Variants in MAPRE1 observed in about 807,000 individuals in gnomAD.
MAPRE1 encodes the protein microtubule-associated protein RP/EB family member 1.
A neutral mutation model predicts 32.1 loss-of-function variants in MAPRE1; 5 were observed. That is an observed-to-expected ratio of 0.16 (90% CI 0.08 to 0.33). The LOEUF is 0.33. Ranked by LOEUF, MAPRE1 falls within the 10% of genes least tolerant of loss-of-function variation. The pLI is 1.00. For missense variants in MAPRE1, 209 were observed against 327.2 expected, an observed-to-expected ratio of 0.64 and a Z score of 2.79; for synonymous variants, 122 against 118.9, an observed-to-expected ratio of 1.03 and a Z score of -0.17.
intron 5 of MAPRE1, among the ~76,000 whole-genome samples, chr20:32,841,443 CT>C (rs1329821416): frequency 6.6e-6 from 1 of 151,524 alleles, no homozygotes; most frequent in Admixed American, 6.6e-5. Context: ...TGGCTGCTCT[CT>C]GCTCAGCTCT....
At chr20:32,821,502 CA>C (rs1203285982) in intron 1 of MAPRE1, among the ~76,000 whole-genome samples, 2 of 152,222 alleles carry the variant, frequency 1.3e-5, no homozygotes, top group Non-Finnish European at 2.9e-5. Context: ...GGTGGTGCGT[CA>C]AAGTGCCTAG....
At chr20:32,845,517 A>T (rs1000019509) in intron 5 of MAPRE1, among the ~76,000 whole-genome samples, 2 of 152,100 alleles carry the variant, frequency 1.3e-5, no homozygotes, top group African/African-American at 4.8e-5. Context: ...TCATCTCTGG[A>T]TGCTTTTTGA....
chr20:32,838,522 G>C (rs1786648546), intron 4 of MAPRE1, among the ~76,000 whole-genome samples: 1 of 152,198 alleles, frequency 6.6e-6, no homozygotes, highest in Non-Finnish European at 1.5e-5. Flanking sequence ...TACTCTGGGA[G>C]CAGAATTGCT....
chr20:32,842,738 C>T (rs1439842114), intron 5 of MAPRE1, among the ~76,000 whole-genome samples: 1 of 152,192 alleles, frequency 6.6e-6, no homozygotes, highest in East Asian at 1.9e-4. Flanking sequence ...TAGACCTAGA[C>T]AGGTTTGATA....
At chr20:32,835,846 T>TCTA (rs768825122) in intron 3 of MAPRE1, among the ~76,000 whole-genome samples, 58 of 152,134 alleles carry the variant, frequency 3.8e-4, no homozygotes, top group Non-Finnish European at 6.2e-4. Flanking sequence ...CCTCAAGTGA[T>TCTA]CTACCTGCCT....
chr20:32,829,888 AG>A (rs1213517770), intron 2 of MAPRE1, among the ~76,000 whole-genome samples: 1 of 152,162 alleles, frequency 6.6e-6, no homozygotes, highest in Admixed American at 6.5e-5. Flanking sequence ...TAGTTTGGAG[AG>A]CTAGTCATCA....
At position 32,837,671 on chromosome 20, in the gene MAPRE1, C is replaced by T. The variant is rs150020966; in HGVS notation, c.475+830C>T. The stretch of plus-strand genomic sequence containing the variant: ...TAAATAGCTTAATGGAGAGACAATT[C>T]GCATGCCATATAATTATATTTTTAT... On this transcript the variant is annotated intron_variant, in intron 4 of 6. Coordinates refer to ENST00000375571, the MANE Select transcript of MAPRE1 (RefSeq NM_012325.3). Among the ~76,000 whole-genome samples, 7 of 152,158 alleles carry T rather than the reference C, an allele frequency of 4.6e-5. No homozygotes were observed. In the East Asian group the frequency reaches 7.7e-4, roughly 17 times the overall value.
chr20:32,829,201 C>T (rs1478048362), intron 2 of MAPRE1, among the ~76,000 whole-genome samples: 4 of 152,252 alleles, frequency 2.6e-5, no homozygotes, highest in South Asian at 4.1e-4. Flanking sequence ...TGTGAGCCAC[C>T]GCGCCTGGGT....
At chr20:32,835,364 G>GTTTTGTTTTTT (rs1983162389) in intron 3 of MAPRE1, among the ~76,000 whole-genome samples, 1 of 106,658 alleles carries the variant, frequency 9.4e-6, no homozygotes, top group African/African-American at 4.7e-5. Flanking sequence ...TTTTATTGGT[G>GTTTTGTTTTTT]TTTTTTTTTT....
intron 3 of MAPRE1, among the ~76,000 whole-genome samples, chr20:32,835,440 C>T (rs1174073444): frequency 7.2e-6 from 1 of 139,620 alleles, no homozygotes; most frequent in East Asian, 2.3e-4. Context: ...AAGCAGTCCT[C>T]AAGATAGCTA....
Position 32,848,884 on chromosome 20 carries a change from C to T in MAPRE1, c.*156C>T. 1.8e-6 allele frequency: 1 copy of T among 554,936 alleles called. No homozygotes were observed. The highest frequency in any genetic ancestry group is 3.6e-5 in the Admixed American group (1 of 28,080). 34.4% of individuals were successfully genotyped at this position (554,936 alleles called of 1,614,324 possible). A position where few individuals can be genotyped will look rare whatever the true frequency, so the allele number is the denominator to read the frequency against. On this transcript the variant is annotated 3_prime_UTR_variant, in exon 7 of 7. Coordinates refer to ENST00000375571, the MANE Select transcript of MAPRE1 (RefSeq NM_012325.3). Reference sequence around the variant, plus strand: ...AAGTGCACTTTGCAGACGTTTCACTCCTTTTCCAATAAGTTTGAGTTAGGA... The same window carrying T: ...AAGTGCACTTTGCAGACGTTTCACTTCTTTTCCAATAAGTTTGAGTTAGGA...
At position 32,839,874 on chromosome 20, in the gene MAPRE1, T is replaced by G. The variant is rs1306530404; in HGVS notation, c.597+18T>G. On this transcript the variant is annotated intron_variant, in intron 5 of 6. Coordinates refer to ENST00000375571, the MANE Select transcript of MAPRE1 (RefSeq NM_012325.3). Reference sequence around the variant, plus strand: ...TGCAGCAGGTGGGCACCCCTGTGTTTAGCACGTGAGTCACCTCGGGGGATA... The same window carrying G: ...TGCAGCAGGTGGGCACCCCTGTGTTGAGCACGTGAGTCACCTCGGGGGATA... 2 of 1,613,828 alleles carry G rather than the reference T, an allele frequency of 1.2e-6. No individual in the cohort carries two copies. The highest frequency in any genetic ancestry group is 1.3e-5 in the African/African-American group (1 of 75,028).
chr20:32,828,854 AACAAATGTAAATT>A (rs752124931), intron 2 of MAPRE1, among the ~76,000 whole-genome samples: 75 of 152,374 alleles, frequency 4.9e-4, no homozygotes, highest in Non-Finnish European at 9.0e-4. Flanking sequence ...GAGGGGATTA[AACAAATGTAAATT>A]ACAAATGTAA....
At chr20:32,828,186 T>G (rs1416208104) in intron 2 of MAPRE1, among the ~76,000 whole-genome samples, 1 of 152,188 alleles carries the variant, frequency 6.6e-6, no homozygotes, top group East Asian at 1.9e-4. Flanking sequence ...AGATCTGTGC[T>G]GTGTCCCCCC....
At position 32,848,753 on chromosome 20, in the gene MAPRE1, C is replaced by G. The variant is rs376470655; in HGVS notation, c.*25C>G. 5.0e-6 allele frequency: 8 copies of G among 1,593,908 alleles called. No individual in the cohort carries two copies. The African/African-American group carries it at 6.7e-5, about 13-fold the overall frequency. ...ACAGCCTGGACCAGCAGAGCAACAT[C>G]GGAATTCTTCACTCCAAATCATGTG... On this transcript the variant is annotated 3_prime_UTR_variant, in exon 7 of 7. Coordinates refer to ENST00000375571, the MANE Select transcript of MAPRE1 (RefSeq NM_012325.3).
At chr20:32,837,242 A>G (rs1029447876) in intron 4 of MAPRE1, among the ~76,000 whole-genome samples, 2 of 152,214 alleles carry the variant, frequency 1.3e-5, no homozygotes, top group African/African-American at 2.4e-5. Flanking sequence ...AAGTTATACC[A>G]GAGCTGAACT....
chr20:32,848,998 C>T lies in MAPRE1; in HGVS notation c.*270C>T, dbSNP rs1352234700. The stretch of plus-strand genomic sequence containing the variant: ...GACCGTGGGGCTCACCATGCGGATG[C>T]GGGTCACACTGAATGCTGGAGAGAT... On this transcript the variant is annotated 3_prime_UTR_variant, in exon 7 of 7. Coordinates refer to ENST00000375571, the MANE Select transcript of MAPRE1 (RefSeq NM_012325.3). 4 of 307,846 alleles carry T rather than the reference C, an allele frequency of 1.3e-5. 1 individual carries two copies. Among genetic ancestry groups the T allele is most frequent in the South Asian group, 1.7e-4 (2 of 11,988 alleles). The allele number at this position is 307,846 out of a possible 1,614,324, so 19.1% of individuals were successfully genotyped here.
intron 4 of MAPRE1, among the ~76,000 whole-genome samples, chr20:32,838,384 G>T (rs1394827370): frequency 1.3e-5 from 2 of 152,142 alleles, no homozygotes; most frequent in African/African-American, 2.4e-5. Flanking sequence ...TGATTCAGCA[G>T]TTCATGGTCT....
chr20:32,833,935 A>G, intron 3 of MAPRE1, 73 bp downstream of exon 3: 3 of 1,350,662 alleles, frequency 2.2e-6, no homozygotes, highest in Non-Finnish European at 3.0e-6. Context: ...ATGCTAGCTT[A>G]TGACTTTGGA....
Sources: gnomAD v4.1 joint callset for allele counts (sites outside exome capture counted in the v4.1 genomes callset) on GRCh38, gnomAD v4.1.1 for gene constraint, MANE v1.5 for transcripts, NCBI Gene and HGNC (gene_info 2026-07-23, HGNC 2026-07-21) for gene names.